Variants in DYNC2LI1 observed in about 807,000 individuals in gnomAD.
DYNC2LI1 encodes dynein cytoplasmic 2 light intermediate chain 1, also known as cytoplasmic dynein 2 light intermediate chain 1.
A neutral mutation model predicts 51.9 loss-of-function variants in DYNC2LI1; 45 were observed. That is an observed-to-expected ratio of 0.87 (90% confidence interval 0.68 to 1.11). The LOEUF is 1.11. DYNC2LI1 is among the 50% of genes most tolerant of loss of function. DYNC2LI1 has a pLI of 0.00. For missense variants in DYNC2LI1, 490 were observed against 417.4 expected (o/e 1.17, Z -1.51); for synonymous variants, 130 against 137.8 (o/e 0.94, Z 0.40).
At chr2:43,817,930 A>C in the DYNC2LI1 span, among the ~76,000 whole-genome samples, 12 of 152,174 alleles carry the variant, frequency 7.9e-5, no homozygotes, top group South Asian at 1.2e-3. Context: ...AACAAACAAA[A>C]AAACACATGT....
chr2:43,817,842 G>A, the DYNC2LI1 span, among the ~76,000 whole-genome samples: 4 of 151,750 alleles, frequency 2.6e-5, no homozygotes, highest in African/African-American at 7.3e-5. Flanking sequence ...CATGGGAGGC[G>A]GAGGTTACAG....
At chr2:43,796,048 AAAT>A (rs1674023471) in intron 7 of DYNC2LI1, 90 bp downstream of exon 7, 1 of 929,546 alleles carries the variant, frequency 1.1e-6, no homozygotes, top group African/African-American at 1.7e-5. Context: ...AAAATAAGAA[AAAT>A]AATTATTGAA....
chr2:43,816,411 C>G, the DYNC2LI1 span, among the ~76,000 whole-genome samples: 3 of 151,042 alleles, frequency 2.0e-5, no homozygotes, highest in Non-Finnish European at 4.4e-5. Flanking sequence ...TGGGAACAAC[C>G]AACAGACTTT....
At chr2:43,794,413 T>C in intron 5 of DYNC2LI1, 44 bp from the exon 6 acceptor site, 4 of 1,543,490 alleles carry the variant, frequency 2.6e-6, no homozygotes, top group Non-Finnish European at 3.5e-6. Flanking sequence ...TTCAAAATGG[T>C]AATTATTTTG....
At chr2:43,810,157 C>G (rs1017222195), downstream of DYNC2LI1, 1 of 365,538 alleles carries the variant, frequency 2.7e-6, no homozygotes, top group African/African-American at 2.2e-5. Flanking sequence ...AAGGCATTCT[C>G]AGCTGTAGCT....
chr2:43,804,493 G>A, intron 10 of DYNC2LI1, 149 bp from the exon 11 acceptor site: 1 of 553,254 alleles, frequency 1.8e-6, no homozygotes, highest in Non-Finnish European at 3.2e-6. Context: ...TGCTATGCTG[G>A]GTAGGGTAAA....
At chr2:43,796,053 A>G (rs538598443) in intron 7 of DYNC2LI1, 95 bp downstream of exon 7, 2 of 903,698 alleles carry the variant, frequency 2.2e-6, no homozygotes, top group Admixed American at 2.5e-5. Flanking sequence ...AAGAAAAATA[A>G]TTATTGAAGG....
At chr2:43,806,644 A>G (rs1171585493) in intron 12 of DYNC2LI1, among the ~76,000 whole-genome samples, 1 of 152,212 alleles carries the variant, frequency 6.6e-6, no homozygotes, top group Non-Finnish European at 1.5e-5. Context: ...GTTGTTGTTG[A>G]TAAGAATATC....
At chr2:43,813,336 A>T, downstream of DYNC2LI1, 1 of 1,531,344 alleles carries the variant, frequency 6.5e-7, no homozygotes, top group Non-Finnish European at 9.0e-7. Context: ...TGACAGTGTC[A>T]GGTGTGGTTT....
chr2:43,809,802 T>G lies in DYNC2LI1; in HGVS notation c.*35T>G, dbSNP rs1381121622. On this transcript the variant is annotated 3_prime_UTR_variant, in exon 13 of 13. Transcript: ENST00000260605. ...AATTATTGTATATTTATTTCTTCTTTTCCAAATACAAATAAGATTATACTG... is the reference window on the plus strand; with the variant it reads ...AATTATTGTATATTTATTTCTTCTTGTCCAAATACAAATAAGATTATACTG... The G allele has an allele frequency of 6.3e-7, 1 of 1,577,722 alleles. No homozygotes were observed. Among genetic ancestry groups the G allele is most frequent in the Admixed American group, 1.8e-5 (1 of 54,830 alleles).
chr2:43,789,354 A>G (rs913953816), intron 4 of DYNC2LI1, among the ~76,000 whole-genome samples: 2 of 152,204 alleles, frequency 1.3e-5, no homozygotes, highest in South Asian at 2.1e-4. Flanking sequence ...TACATATGTT[A>G]TTTACAAGAT....
In DYNC2LI1 at chr2:43,800,845, C is replaced by T. The variant is rs886037860; in HGVS notation, c.659C>T (p.Thr220Ile). 1.1e-5 allele frequency: 17 copies of T among 1,577,138 alleles called. No homozygotes were observed. Among genetic ancestry groups the T allele is most frequent in the East Asian group, 2.3e-5 (1 of 43,980 alleles). The change falls in exon 9 of 13, where the codon ACC becomes ATC. Residue 220 changes from threonine to isoleucine, a missense_variant. Transcript: ENST00000260605. ...GTTCTCCTGATTTGTTTAAAGTTTA[C>T]CAGTAAATCAGAAGCTCTATTACTA... ...AHYYGASLMF[T>I]SKSEALLLKI...
At chr2:43,828,303 A>C in the DYNC2LI1 span, 2 of 781,372 alleles carry the variant, frequency 2.6e-6, no homozygotes, top group Non-Finnish European at 4.1e-6. Flanking sequence ...AAATCGTAAT[A>C]CATGTGTCAG....
intron 3 of DYNC2LI1, among the ~76,000 whole-genome samples, chr2:43,784,120 T>C (rs1240546359): frequency 6.6e-6 from 1 of 152,218 alleles, no homozygotes; most frequent in Non-Finnish European, 1.5e-5. Context: ...ACATATATCT[T>C]ATAACTTCTC....
intron 2 of DYNC2LI1, among the ~76,000 whole-genome samples, chr2:43,777,747 G>C (rs1421699938): frequency 6.6e-6 from 1 of 152,350 alleles, no homozygotes; most frequent in East Asian, 1.9e-4. Flanking sequence ...CACCCGTCTT[G>C]TCTCCAGATG....
downstream of DYNC2LI1, chr2:43,813,203 G>A: frequency 6.2e-7 from 1 of 1,606,014 alleles, no homozygotes; most frequent in Non-Finnish European, 8.5e-7. Flanking sequence ...AAATCAGAAA[G>A]TTCATTGTGA....
chr2:43,797,832 T>A (rs910843238), intron 8 of DYNC2LI1, among the ~76,000 whole-genome samples: 7 of 152,164 alleles, frequency 4.6e-5, no homozygotes, highest in African/African-American at 1.4e-4. Flanking sequence ...CATTTTTATT[T>A]AAAAAATTTC....
chr2:43,827,163 A>G, the DYNC2LI1 span, among the ~76,000 whole-genome samples: 1 of 152,024 alleles, frequency 6.6e-6, no homozygotes, highest in South Asian at 2.1e-4. Context: ...TGTCTCTACT[A>G]AAAGAACAAA....
Position 43,795,968 on chromosome 2 carries a change from TC to T in DYNC2LI1, c.576+12del, listed in dbSNP as rs751709663. On this transcript the variant is annotated intron_variant, in intron 7 of 12. Coordinates refer to ENST00000260605, the MANE Select transcript of DYNC2LI1 (RefSeq NM_016008.4). ...ATATGATGTTTTTCAGGTAAGCTCTTCCGCTTCTAGCTGAGTTTGTTGTACA... is the reference window on the plus strand; with the variant it reads ...ATATGATGTTTTTCAGGTAAGCTCTTCGCTTCTAGCTGAGTTTGTTGTACA... The T allele has an allele frequency of 1.9e-6, 3 of 1,607,898 alleles. No homozygotes were observed. The South Asian group carries it at 3.3e-5, about 18-fold the overall frequency.
Sources: allele counts gnomAD v4.1 joint callset (sites outside exome capture counted in the v4.1 genomes callset), GRCh38; gene constraint gnomAD v4.1.1; transcripts MANE v1.5; gene names NCBI Gene and HGNC (gene_info 2026-07-23, HGNC 2026-07-21).